Variants in DGCR2 observed in about 807,000 individuals in gnomAD.
The protein encoded by DGCR2 is integral membrane protein DGCR2/IDD.
In DGCR2, 24 loss-of-function variants were observed where a neutral mutation model predicts 51.6. The observed-to-expected ratio is 0.47, with a 90% CI of 0.34 to 0.65. The LOEUF is 0.65. Among genes scored for constraint, DGCR2 ranks in the 30% least tolerant of loss-of-function variants. The pLI, the probability that DGCR2 is intolerant of heterozygous loss-of-function variation, is 0.01. For synonymous variants in DGCR2, 340 were observed against 315.4 expected, an observed-to-expected ratio of 1.08 and a Z score of -0.82; for missense variants, 765 against 772.1, an observed-to-expected ratio of 0.99 and a Z score of 0.11.
intron 1 of DGCR2, among the ~76,000 whole-genome samples, chr22:19,102,618 C>T (rs1348498169): frequency 6.6e-6 from 1 of 151,858 alleles, no homozygotes; most frequent in Non-Finnish European, 1.5e-5. Context: ...AGGAGAATGG[C>T]GTGAACCTGG....
At chr22:19,071,829 T>C (rs1005938415) in intron 2 of DGCR2, among the ~76,000 whole-genome samples, 1 of 152,178 alleles carries the variant, frequency 6.6e-6, no homozygotes, top group Non-Finnish European at 1.5e-5. Context: ...GTTCTTATTT[T>C]TTGATCATAG....
intron 3 of DGCR2, among the ~76,000 whole-genome samples, chr22:19,065,605 T>A (rs1209996363): frequency 6.6e-6 from 1 of 151,906 alleles, no homozygotes; most frequent in Non-Finnish European, 1.5e-5. Context: ...CCGAAAAAAA[T>A]AAGGTGTGGG....
intron 1 of DGCR2, among the ~76,000 whole-genome samples, chr22:19,107,051 C>T (rs547850863): frequency 2.9e-4 from 44 of 152,304 alleles, no homozygotes; most frequent in South Asian, 8.3e-4. Context: ...AAATATTTTA[C>T]ACCTGCAAAC....
intron 1 of DGCR2, among the ~76,000 whole-genome samples, chr22:19,117,996 C>T (rs951682107): frequency 1.3e-5 from 2 of 152,160 alleles, no homozygotes; most frequent in Non-Finnish European, 2.9e-5. Context: ...TTCTGAACCT[C>T]GGTCACTTTT....
intron 5 of DGCR2, among the ~76,000 whole-genome samples, chr22:19,062,343 C>T (rs1048811287): frequency 2.6e-5 from 4 of 152,168 alleles, no homozygotes; most frequent in Non-Finnish European, 4.4e-5. Flanking sequence ...AGCAGCCAGG[C>T]ATGGCCCCGC....
At position 19,086,192 on chromosome 22, in the gene DGCR2, G is replaced by C. The variant is rs544228835; in HGVS notation, c.202+3176C>G. ...TTTAAGAACAATTAGAAATCAACCT[G>C]CTTGGCCGGGCACAGTGACTCACGC... On this transcript the variant is annotated intron_variant, in intron 2 of 9. Transcript: ENST00000263196. Among the ~76,000 whole-genome samples, 39 of 152,112 alleles carry C rather than the reference G, an allele frequency of 2.6e-4. No individual in the cohort carries two copies. In the South Asian group the frequency reaches 7.9e-3, roughly 31 times the overall value.
intron 2 of DGCR2, among the ~76,000 whole-genome samples, chr22:19,083,597 T>C (rs1306051913): frequency 6.6e-6 from 1 of 152,194 alleles, no homozygotes; most frequent in East Asian, 1.9e-4. Flanking sequence ...TAATGTCTCT[T>C]AATAAAACTG....
At chr22:19,100,426 C>T (rs2800961) in intron 1 of DGCR2, among the ~76,000 whole-genome samples, 19,643 of 152,114 alleles carry the variant, frequency 0.13, 2,094 homozygotes, top group African/African-American at 0.29. Flanking sequence ...ACAATCCATG[C>T]CCACAACATA....
chr22:19,042,855 G>A (rs139901112), intron 7 of DGCR2, among the ~76,000 whole-genome samples: 16 of 152,304 alleles, frequency 1.1e-4, no homozygotes, highest in African/African-American at 3.1e-4. Context: ...GTGGTTGGGC[G>A]TGAAGCCTGT....
At chr22:19,102,333 G>C (rs1889395457) in intron 1 of DGCR2, among the ~76,000 whole-genome samples, 1 of 152,178 alleles carries the variant, frequency 6.6e-6, no homozygotes, top group South Asian at 2.1e-4. Flanking sequence ...AAAAAGTTCT[G>C]GAAGTGGGTA....
rs1555911206 is a variant in DGCR2 at position 19,112,419 on chromosome 22, G to GTAATACCA, written c.79+9708_79+9709insTGGTATTA. 4.6e-3 allele frequency among the ~76,000 whole-genome samples: 668 copies of GTAATACCA among 146,624 alleles called. 19 individuals carry two copies. Among genetic ancestry groups the GTAATACCA allele is most frequent in the South Asian group, 8.1e-3 (35 of 4,310 alleles). ...ACTCTCAATATTATTTAATAAACAT[G>GTAATACCA]GTTTCAAATCAAAACAGGTTTTTTT... On this transcript the variant is annotated intron_variant, in intron 1 of 9. Transcript: ENST00000263196.
At chr22:19,114,881 C>G (rs1461956298) in intron 1 of DGCR2, among the ~76,000 whole-genome samples, 1 of 152,198 alleles carries the variant, frequency 6.6e-6, no homozygotes, top group Non-Finnish European at 1.5e-5. Flanking sequence ...TCAGTACTGT[C>G]CTGTCCAACA....
intron 5 of DGCR2, chr22:19,061,010 A>G: frequency 4.1e-6 from 1 of 245,324 alleles, no homozygotes; most frequent in Non-Finnish European, 8.7e-6. Flanking sequence ...TGAAAGAAAC[A>G]TTTTTCAACA....
intron 8 of DGCR2, 149 bp downstream of exon 8, chr22:19,041,658 G>C: frequency 1.0e-6 from 1 of 955,486 alleles, no homozygotes; most frequent in Non-Finnish European, 1.6e-6. Flanking sequence ...GAACTTTCCT[G>C]GCCCACAGGT....
intron 7 of DGCR2, among the ~76,000 whole-genome samples, chr22:19,044,361 C>T (rs1201186148): frequency 1.3e-5 from 2 of 152,214 alleles, no homozygotes; most frequent in Non-Finnish European, 2.9e-5. Context: ...AGGATCCAGC[C>T]TGTGCAAGAA....
At chr22:19,053,181 A>C (rs1288999204) in intron 6 of DGCR2, among the ~76,000 whole-genome samples, 2 of 152,094 alleles carry the variant, frequency 1.3e-5, no homozygotes, top group African/African-American at 4.8e-5. Context: ...GCTGGACCCA[A>C]CTCCAGCTGC....
rs551362333 is a variant in DGCR2 at position 19,084,752 on chromosome 22, G to A, written c.202+4616C>T. Among the ~76,000 whole-genome samples, 177 of 147,774 alleles carry A rather than the reference G, an allele frequency of 1.2e-3. 1 individual carries two copies. The highest frequency in any genetic ancestry group is 4.1e-3 in the African/African-American group (165 of 39,896). On this transcript the variant is annotated intron_variant, in intron 2 of 9. Transcript: ENST00000263196. ...CCCGCCCGGCCAGCCGCCCCGTCCG[G>A]GAGGGAGGTGGGGGGTCAGCCCCCG...
At chr22:19,056,608 G>A (rs2859465) in intron 6 of DGCR2, 1 of 375,382 alleles carries the variant, frequency 2.7e-6, no homozygotes, top group Non-Finnish European at 4.9e-6. Flanking sequence ...GAGAAGCAGA[G>A]AAGCAGAGAG....
intron 2 of DGCR2, among the ~76,000 whole-genome samples, chr22:19,075,204 G>T (rs2082861551): frequency 6.7e-6 from 1 of 150,222 alleles, no homozygotes; most frequent in Non-Finnish European, 1.5e-5. Context: ...GAGGCAGGCA[G>T]ATCACAAGGT....
Sources: gnomAD v4.1 joint callset for allele counts (sites outside exome capture counted in the v4.1 genomes callset) on GRCh38, gnomAD v4.1.1 for gene constraint, MANE v1.5 for transcripts, NCBI Gene and HGNC (gene_info 2026-07-23, HGNC 2026-07-21) for gene names.